The following ITGA8 variants were observed in gnomAD, a reference collection of about 807,000 sequenced individuals.
ITGA8 encodes integrin alpha-8.
A neutral mutation model predicts 142.3 loss-of-function variants in ITGA8; 91 were observed. The ratio of observed to expected loss-of-function variants is 0.64; its 90% confidence interval spans 0.54 to 0.76. ITGA8 has a LOEUF of 0.76. Among genes scored for constraint, ITGA8 ranks in the 30% least tolerant of loss-of-function variants. The pLI is 0.00. For missense variants in ITGA8, 1,406 were observed against 1,327.7 expected (o/e 1.06, Z -0.92); for synonymous variants, 505 against 485.2 (o/e 1.04, Z -0.54).
chr10:15,560,808 AGT>A (rs1423504529), intron 25 of ITGA8, among the ~76,000 whole-genome samples: 37 of 152,284 alleles, frequency 2.4e-4, no homozygotes, highest in Middle Eastern at 3.4e-3. Context: ...CAGTCCTCAA[AGT>A]GTTAGAGTAG....
intron 8 of ITGA8, among the ~76,000 whole-genome samples, chr10:15,670,503 T>A (rs1341392710): frequency 2.6e-5 from 4 of 152,192 alleles, no homozygotes; most frequent in Non-Finnish European, 4.4e-5. Context: ...CCGGTATGAA[T>A]CTATTACGAG....
At chr10:15,569,700 T>C (rs1026920008) in intron 25 of ITGA8, among the ~76,000 whole-genome samples, 1 of 152,236 alleles carries the variant, frequency 6.6e-6, no homozygotes, top group African/African-American at 2.4e-5. Context: ...AACATCGCTG[T>C]GCCTGGCTAT....
chr10:15,709,735 TC>T (rs1835329352), intron 2 of ITGA8, among the ~76,000 whole-genome samples: 2 of 152,210 alleles, frequency 1.3e-5, no homozygotes, highest in African/African-American at 4.8e-5. Context: ...CAAAAGCTAT[TC>T]CGCACACAAA....
At chr10:15,595,574 A>G (rs1295555354) in intron 21 of ITGA8, among the ~76,000 whole-genome samples, 4 of 152,168 alleles carry the variant, frequency 2.6e-5, no homozygotes, top group African/African-American at 9.7e-5. Flanking sequence ...TTAAGACCAC[A>G]CTGCCATTTT....
At chr10:15,573,677 C>A (rs1834229906) in intron 24 of ITGA8, among the ~76,000 whole-genome samples, 1 of 151,968 alleles carries the variant, frequency 6.6e-6, no homozygotes, top group Non-Finnish European at 1.5e-5. Flanking sequence ...TTATTCATGT[C>A]CCTTGTAGCT....
intron 2 of ITGA8, among the ~76,000 whole-genome samples, chr10:15,702,243 A>G (rs189869424): frequency 1.6e-3 from 244 of 152,118 alleles, no homozygotes; most frequent in African/African-American, 5.6e-3. Context: ...TAATTTTCTT[A>G]TCTTTACCTG....
chr10:15,687,907 G>C, intron 3 of ITGA8, 31 bp downstream of exon 3: 1 of 1,294,208 alleles, frequency 7.7e-7, no homozygotes. Context: ...ATACTCCAAA[G>C]CAGCAGCACA....
chr10:15,592,316 A>G lies in ITGA8; in HGVS notation c.2212-12T>C. 3 of 1,597,808 alleles carry G rather than the reference A, an allele frequency of 1.9e-6. No individual in the cohort carries two copies. Among genetic ancestry groups the G allele is most frequent in the Non-Finnish European group, 2.6e-6 (3 of 1,166,174 alleles). ...AGGCCCAGGGAATACTAAAAAATAAAATAAAATCACACAAGAGTAGCTTGT... is the reference window on the plus strand; with the variant it reads ...AGGCCCAGGGAATACTAAAAAATAAGATAAAATCACACAAGAGTAGCTTGT... On this transcript the variant is annotated splice_polypyrimidine_tract_variant and intron_variant, in intron 21 of 29. Transcript: ENST00000378076.
intron 3 of ITGA8, among the ~76,000 whole-genome samples, chr10:15,685,834 TAGA>T (rs960836846): frequency 2.2e-4 from 34 of 152,354 alleles, no homozygotes; most frequent in African/African-American, 7.9e-4. Flanking sequence ...GCTGCTTTTT[TAGA>T]AGTTTAGATT....
chr10:15,532,564 A>C (rs1263954871), intron 27 of ITGA8, among the ~76,000 whole-genome samples: 2 of 151,974 alleles, frequency 1.3e-5, no homozygotes, highest in African/African-American at 4.8e-5. Flanking sequence ...TGTTTGTTTA[A>C]TAGGGTCTCA....
In ITGA8 at chr10:15,673,530, C is replaced by CTAAT. The variant is rs575058799; in HGVS notation, c.677-782_677-781insATTA. Among the ~76,000 whole-genome samples the CTAAT allele has an allele frequency of 4.2e-3, 640 of 152,318 alleles. 8 individuals carry two copies. Among genetic ancestry groups the CTAAT allele is most frequent in the African/African-American group, 0.015 (620 of 41,568 alleles). ...TCATATGGTTTTGCTAATAGGATAT[C>CTAAT]AGGCATTACAGCCAACATTTCCTTT... On this transcript the variant is annotated intron_variant, in intron 6 of 29. Coordinates refer to ENST00000378076, the MANE Select transcript of ITGA8 (RefSeq NM_003638.3).
chr10:15,557,916 G>C (rs1833912551), intron 26 of ITGA8, among the ~76,000 whole-genome samples, 158 bp downstream of exon 26: 2 of 152,212 alleles, frequency 1.3e-5, no homozygotes, highest in African/African-American at 2.4e-5. Context: ...TTACAGAAAA[G>C]TTGCTTTTCA....
At chr10:15,616,657 T>G (rs1045850988) in intron 13 of ITGA8, 98 bp from the exon 14 acceptor site, 5 of 975,028 alleles carry the variant, frequency 5.1e-6, no homozygotes, top group African/African-American at 4.8e-5. Flanking sequence ...CCCTACATGC[T>G]GATGGTACGA....
chr10:15,547,375 C>T (rs759188630), intron 27 of ITGA8, among the ~76,000 whole-genome samples: 6 of 152,162 alleles, frequency 3.9e-5, no homozygotes, highest in Non-Finnish European at 8.8e-5. Context: ...AGTTTGAGAC[C>T]AGCCTGGCCA....
chr10:15,678,822 A>G (rs773322669), intron 4 of ITGA8, 39 bp from the exon 5 acceptor site: 7 of 1,319,230 alleles, frequency 5.3e-6, no homozygotes, highest in South Asian at 3.8e-5. Context: ...TAACGTTATC[A>G]TTCCTGAAAT....
At position 15,607,794 on chromosome 10, in the gene ITGA8, C is replaced by T. The variant is rs763059219; in HGVS notation, c.1647G>A (p.Gln549=). The T allele has an allele frequency of 2.2e-5, 35 of 1,611,924 alleles. No homozygotes were observed. Among genetic ancestry groups the T allele is most frequent in the Non-Finnish European group, 3.0e-5 (35 of 1,179,028 alleles). Residue 549 remains glutamine (Q), a synonymous_variant, in exon 17 of 30, where the codon CAG becomes CAA. Coordinates refer to ENST00000378076, the MANE Select transcript of ITGA8 (RefSeq NM_003638.3). ...MAEVQLDSLK[Q]KGAIKRTLFL... is the part of the protein sequence containing the mutation. ...AGAGCGTCCGTTTAATAGCTCCTTT[C>T]TGTTTCAGGGAATCTAATTGCACCT...
In ITGA8 at chr10:15,575,152, G is replaced by A. The variant is rs3740126; in HGVS notation, c.2478+337C>T. 0.18 allele frequency among the ~76,000 whole-genome samples: 26,919 copies of A among 151,896 alleles called. 3,277 individuals are homozygous for A. Among genetic ancestry groups the A allele is most frequent in the East Asian group, 0.4 (2,053 of 5,152 alleles). ...TACTGTAGTTATAGCACTGTGAGTG[G>A]CTCAGGTGGGTGGATCACTTGAGCT... On this transcript the variant is annotated intron_variant, in intron 24 of 29. Transcript: ENST00000378076.
At chr10:15,688,752 T>C (rs1006319919) in intron 2 of ITGA8, among the ~76,000 whole-genome samples, 8 of 152,304 alleles carry the variant, frequency 5.3e-5, no homozygotes, top group African/African-American at 1.9e-4. Flanking sequence ...AAAAACCATA[T>C]GATCATCTTA....
chr10:15,717,980 G>A (rs1835484845), intron 2 of ITGA8, among the ~76,000 whole-genome samples: 1 of 152,248 alleles, frequency 6.6e-6, no homozygotes, highest in Non-Finnish European at 1.5e-5. Context: ...TGACATATTC[G>A]CATTTTTCTG....
Sources: gnomAD v4.1 joint callset for allele counts (sites outside exome capture counted in the v4.1 genomes callset) on GRCh38, gnomAD v4.1.1 for gene constraint, MANE v1.5 for transcripts, NCBI Gene and HGNC (gene_info 2026-07-23, HGNC 2026-07-21) for gene names.